The following RFWD3 variants were observed in gnomAD, a reference collection of about 807,000 sequenced individuals.
RFWD3 encodes E3 ubiquitin-protein ligase RFWD3.
RFWD3 carries 65 observed loss-of-function variants against 87.7 expected under a neutral mutation model. That is an observed-to-expected ratio of 0.74 (90% CI 0.61 to 0.91). The LOEUF (loss-of-function observed/expected upper bound fraction) is 0.91. Among genes scored for constraint, RFWD3 ranks in the 40% least tolerant of loss-of-function variants. The probability of loss-of-function intolerance (pLI) is 0.00; values close to 1 mark genes in which losing one functional copy is unlikely to be tolerated. For synonymous variants in RFWD3, 433 were observed against 352.8 expected (o/e 1.23, Z -2.55); for missense variants, 1,078 against 938.5 (o/e 1.15, Z -1.94).
At chr16:74,647,386 C>A (rs546542225) in intron 4 of RFWD3, among the ~76,000 whole-genome samples, 1 of 152,180 alleles carries the variant, frequency 6.6e-6, no homozygotes, top group South Asian at 2.1e-4. Flanking sequence ...CTCTCAGATT[C>A]AAGTGACTCT....
In RFWD3 at chr16:74,652,083, C is replaced by T. The variant is rs1323054201; in HGVS notation, c.558G>A (p.Arg186=). 6.2e-7 allele frequency: 1 copy of T among 1,614,072 alleles called. No homozygotes were observed. Among genetic ancestry groups the T allele is most frequent in the Non-Finnish European group, 8.5e-7 (1 of 1,180,030 alleles). Residue 186 remains arginine, a synonymous_variant, in exon 3 of 13, where the codon AGG becomes AGA. Coordinates refer to ENST00000361070, the MANE Select transcript of RFWD3 (RefSeq NM_018124.4). The part of the protein sequence containing the change: ...APLDAYFQVS[R]TQPDLPATTY... ...TGGTAGCTGGCAAGTCAGGCTGGGTCCTGCTCACCTGAAAGTAAGCATCCA... is the reference window on the plus strand; with the variant it reads ...TGGTAGCTGGCAAGTCAGGCTGGGTTCTGCTCACCTGAAAGTAAGCATCCA...
chr16:74,639,036 C>CTTTTTTT, intron 6 of RFWD3, among the ~76,000 whole-genome samples: 1 of 132,118 alleles, frequency 7.6e-6, no homozygotes, highest in Non-Finnish European at 1.6e-5. Flanking sequence ...TGAGCTAAGA[C>CTTTTTTT]TTTTTTTTTT....
In RFWD3 at chr16:74,661,163, G is replaced by C. The variant is rs529414913; in HGVS notation, c.287C>G (p.Pro96Arg). The C allele has an allele frequency of 8.7e-6, 14 of 1,614,164 alleles. No individual in the cohort carries two copies. In the South Asian group the frequency reaches 8.8e-5, roughly 10 times the overall value. ...CTGCCTATGTTGTTCTGAAGTTCTT[G>C]GATTGATGTTCTCCACAGTGTCTTC... ...LGEDTVENIN[P>R]RTSEQHRQGS... The change falls in exon 2 of 13, where the codon CCA (proline) becomes CGA (arginine). Residue 96 changes from proline to arginine, a missense_variant. Coordinates refer to ENST00000361070, the MANE Select transcript of RFWD3 (RefSeq NM_018124.4).
intron 8 of RFWD3, among the ~76,000 whole-genome samples, chr16:74,634,378 TTA>T (rs61457427): frequency 0.61 from 90,054 of 147,558 alleles, 28,277 homozygotes; most frequent in African/African-American, 0.79. Flanking sequence ...ACTAAGTACT[TTA>T]TATATATATA....
intron 4 of RFWD3, among the ~76,000 whole-genome samples, chr16:74,648,685 T>G (rs1039568114): frequency 2.6e-5 from 4 of 151,476 alleles, no homozygotes; most frequent in Admixed American, 6.6e-5. Flanking sequence ...GGTAGGAGAA[T>G]TGCTTAAACA....
rs778363097 is a variant in RFWD3 at position 74,637,886 on chromosome 16, A to G, written c.1164T>C (p.Asp388=). Residue 388 remains aspartate, a synonymous_variant, in exon 7 of 13, where the codon GAT becomes GAC. Coordinates refer to ENST00000361070, the MANE Select transcript of RFWD3 (RefSeq NM_018124.4). ...CACGCCTTTGAAGCCTAGTGCACTT[A>G]TCAGTGAGGACCTGCAGTTGGAGTC... The part of the protein sequence containing the change: ...QCRLQLQVLT[D]KCTRLQRRVQ... 1.2e-6 allele frequency: 2 copies of G among 1,612,786 alleles called. No individual in the cohort carries two copies. The highest frequency in any genetic ancestry group is 8.5e-7 in the Non-Finnish European group (1 of 1,179,662).
intron 3 of RFWD3, among the ~76,000 whole-genome samples, chr16:74,650,158 T>C (rs1960456479): frequency 6.6e-6 from 1 of 152,180 alleles, no homozygotes; most frequent in African/African-American, 2.4e-5. Flanking sequence ...CCCCACTGAT[T>C]TGAGATATTC....
Position 74,637,853 on chromosome 16 carries a change from T to C in RFWD3, c.1194+3A>G, listed in dbSNP as rs753675969. 6.2e-7 allele frequency: 1 copy of C among 1,608,096 alleles called. No individual in the cohort carries two copies. Among genetic ancestry groups the C allele is most frequent in the East Asian group, 2.2e-5 (1 of 44,788 alleles). On this transcript the variant is annotated splice_donor_region_variant and intron_variant, in intron 7 of 12. Coordinates refer to ENST00000361070, the MANE Select transcript of RFWD3 (RefSeq NM_018124.4). ...TTCTTTGGATTAGAAAGGACAAACG[T>C]ACCTGAACACGCCTTTGAAGCCTAG...
At chr16:74,635,270 G>T (rs1195355743) in intron 8 of RFWD3, among the ~76,000 whole-genome samples, 1 of 151,062 alleles carries the variant, frequency 6.6e-6, no homozygotes, top group South Asian at 2.1e-4. Flanking sequence ...GCGAAAGAGC[G>T]AGACTCCATC....
At chr16:74,630,419 T>C (rs1959058597) in intron 10 of RFWD3, among the ~76,000 whole-genome samples, 1 of 152,192 alleles carries the variant, frequency 6.6e-6, no homozygotes, top group African/African-American at 2.4e-5. Flanking sequence ...TTAAAGCAAG[T>C]CTACATTGAC....
chr16:74,631,810 G>C (rs1161968208), intron 9 of RFWD3, among the ~76,000 whole-genome samples: 1 of 151,930 alleles, frequency 6.6e-6, no homozygotes, highest in African/African-American at 2.4e-5. Flanking sequence ...CTTTAAAGAC[G>C]GGGTTTCACC....
rs768985450 is a variant in RFWD3, at chr16:74,661,166, T to C, written c.284A>G (p.Asn95Ser). The stretch of plus-strand genomic sequence containing the variant: ...CCTATGTTGTTCTGAAGTTCTTGGA[T>C]TGATGTTCTCCACAGTGTCTTCTCC... ...VLGEDTVENI[N>S]PRTSEQHRQG... is the part of the protein sequence containing the mutation. The change falls in exon 2 of 13, where the codon AAT becomes AGT. Residue 95 changes from asparagine to serine, a missense_variant. By Grantham distance (46) the Asn-to-Ser change is conservative. Transcript: ENST00000361070. 6 of 1,614,234 alleles carry C rather than the reference T, an allele frequency of 3.7e-6. No individual in the cohort carries two copies. The highest frequency in any genetic ancestry group is 4.2e-6 in the Non-Finnish European group (5 of 1,180,040).
chr16:74,642,884 C>T (rs1057195906), intron 6 of RFWD3, among the ~76,000 whole-genome samples: 1 of 152,272 alleles, frequency 6.6e-6, no homozygotes, highest in South Asian at 2.1e-4. Flanking sequence ...TAGTCTGTAT[C>T]GGCATTTTGA....
chr16:74,631,579 C>G (rs1381290871), intron 9 of RFWD3, among the ~76,000 whole-genome samples: 1 of 152,174 alleles, frequency 6.6e-6, no homozygotes, highest in African/African-American at 2.4e-5. Context: ...ACACTCACAT[C>G]TGGTTCACAG....
chr16:74,656,308 C>CAAAAAAAAA (rs71158534), intron 2 of RFWD3, among the ~76,000 whole-genome samples: 10 of 64,212 alleles, frequency 1.6e-4, no homozygotes, highest in Non-Finnish European at 1.9e-4. Flanking sequence ...CTTGTCTTGC[C>CAAAAAAAAA]AAAAAAAAAA....
intron 11 of RFWD3, among the ~76,000 whole-genome samples, chr16:74,627,417 C>T (rs1958970148): frequency 6.6e-6 from 1 of 152,052 alleles, no homozygotes; most frequent in Non-Finnish European, 1.5e-5. Context: ...CCCTACCCCA[C>T]CCCTAAGGGA....
intron 2 of RFWD3, 38 bp downstream of exon 2, chr16:74,660,894 A>G (rs1337630677): frequency 3.8e-6 from 6 of 1,568,066 alleles, no homozygotes; most frequent in African/African-American, 1.4e-5. Context: ...AATTTCTAGT[A>G]CAGCAATGAT....
intron 4 of RFWD3, among the ~76,000 whole-genome samples, chr16:74,647,451 C>G (rs1960238318): frequency 6.6e-6 from 1 of 152,034 alleles, no homozygotes; most frequent in South Asian, 2.1e-4. Flanking sequence ...CCATATCCGG[C>G]TAATTTTTGT....
chr16:74,644,575 G>A lies in RFWD3; in HGVS notation c.953C>T (p.Thr318Met), dbSNP rs746141566. ...GHLFGYRCIS[T>M]WLKGQVRKCP... Reference sequence around the variant, plus strand: ...TTTTCGTACTTGTCCTTTAAGCCACGTGGAAATGCACCTATACCCAAAGAG... The same window carrying A: ...TTTTCGTACTTGTCCTTTAAGCCACATGGAAATGCACCTATACCCAAAGAG... The change falls in exon 5 of 13, where the codon ACG becomes ATG. Residue 318 changes from threonine (T) to methionine (M), a missense_variant. By Grantham distance (81) the Thr-to-Met change is moderately conservative (BLOSUM62 -1). Coordinates refer to ENST00000361070, the MANE Select transcript of RFWD3 (RefSeq NM_018124.4). The A allele has an allele frequency of 6.2e-6, 10 of 1,614,054 alleles. No homozygotes were observed. In the Admixed American group the frequency reaches 1.2e-4, roughly 19 times the overall value.
Sources: allele counts gnomAD v4.1 joint callset (sites outside exome capture counted in the v4.1 genomes callset), GRCh38; gene constraint gnomAD v4.1.1; transcripts MANE v1.5; gene names NCBI Gene and HGNC (gene_info 2026-07-23, HGNC 2026-07-21).